The following DOCK2 variants were observed in gnomAD, a reference collection of about 807,000 sequenced individuals.
The protein encoded by DOCK2 is dedicator of cytokinesis 2.
Under a neutral mutation model 248.9 loss-of-function variants are expected in DOCK2, and 87 were observed. The ratio of observed to expected loss-of-function variants is 0.35; its 90% CI spans 0.29 to 0.42. The LOEUF (loss-of-function observed/expected upper bound fraction) is 0.42. Among genes scored for constraint, DOCK2 ranks in the 10% least tolerant of loss-of-function variants. DOCK2 has a pLI of 1.00. For synonymous variants in DOCK2, 805 were observed against 821.6 expected (o/e 0.98, Z 0.35); for missense variants, 1,747 against 2,300.2 (o/e 0.76, Z 4.92).
intron 1 of DOCK2, among the ~76,000 whole-genome samples, chr5:169,650,145 C>T (rs1356737098): frequency 6.6e-6 from 1 of 152,142 alleles, no homozygotes; most frequent in African/African-American, 2.4e-5. Context: ...CTATAGTACT[C>T]AGAGCAATAT....
At chr5:169,730,394 T>TG (rs943297770) in intron 22 of DOCK2, among the ~76,000 whole-genome samples, 1 of 152,148 alleles carries the variant, frequency 6.6e-6, no homozygotes, top group African/African-American at 2.4e-5. Flanking sequence ...AGACTGGTGC[T>TG]GGGGGATGTA....
At chr5:169,930,697 A>G (rs894875091) in intron 27 of DOCK2, among the ~76,000 whole-genome samples, 1 of 152,230 alleles carries the variant, frequency 6.6e-6, no homozygotes, top group Non-Finnish European at 1.5e-5. Context: ...ATTAATTTCA[A>G]GAAGGGTTGC....
intron 22 of DOCK2, among the ~76,000 whole-genome samples, chr5:169,731,241 A>T (rs1449961094): frequency 2.0e-5 from 3 of 152,118 alleles, no homozygotes; most frequent in Non-Finnish European, 4.4e-5. Context: ...CCACACCCAA[A>T]TCTCATCTTG....
intron 43 of DOCK2, chr5:170,057,043 C>A: frequency 2.2e-6 from 1 of 446,958 alleles, no homozygotes; most frequent in Non-Finnish European, 4.0e-6. Flanking sequence ...CACGTAGAAA[C>A]CCTCAGGCTA....
intron 27 of DOCK2, among the ~76,000 whole-genome samples, chr5:169,965,801 T>TA (rs1777276596): frequency 6.6e-6 from 1 of 152,214 alleles, no homozygotes; most frequent in Admixed American, 6.5e-5. Flanking sequence ...CTGAGGCCTA[T>TA]AGAGGTTAAA....
chr5:170,042,154 C>A lies in DOCK2; in HGVS notation c.3876+22C>A, dbSNP rs367988333. 1.1e-5 allele frequency: 17 copies of A among 1,590,582 alleles called. No individual in the cohort carries two copies. In the South Asian group the frequency reaches 1.1e-4, roughly 11 times the overall value. ...AAAGGTAATCTGTCCCTGCCCACCC[C>A]CCGTGGGGACCCTGGCCACTGGAAG... On this transcript the variant is annotated intron_variant, in intron 38 of 51. Transcript: ENST00000520908.
At chr5:169,650,954 A>G (rs1581383684) in intron 1 of DOCK2, among the ~76,000 whole-genome samples, 1 of 152,104 alleles carries the variant, frequency 6.6e-6, no homozygotes, top group East Asian at 1.9e-4. Context: ...GGCTTCCCTG[A>G]TTTGTCTATC....
Position 169,689,303 on chromosome 5 carries a change from G to A in DOCK2, c.813G>A (p.Glu271=), listed in dbSNP as rs1760161767. ...WGSRGFPKEI[E]MLNNLKVVFT... ...GCCGGGGCTTCCCTAAGGAGATTGA[G>A]ATGCTCAACAATCTGAAGGTGGTCT... is the stretch of plus-strand genomic sequence containing the variant. Residue 271 remains glutamate (E), a synonymous_variant, in exon 9 of 52, where the codon GAG becomes GAA. Transcript: ENST00000520908. 1 of 1,613,980 alleles carries A rather than the reference G, an allele frequency of 6.2e-7. No homozygotes were observed. The highest frequency in any genetic ancestry group is 1.3e-5 in the African/African-American group (1 of 74,902).
chr5:169,721,417 A>G (rs1467499990), intron 22 of DOCK2, among the ~76,000 whole-genome samples: 1 of 152,176 alleles, frequency 6.6e-6, no homozygotes, highest in Non-Finnish European at 1.5e-5. Context: ...TAGAATCTTT[A>G]GCAATGATCT....
intron 27 of DOCK2, among the ~76,000 whole-genome samples, chr5:169,881,988 CT>C (rs1003972076): frequency 1.3e-5 from 2 of 152,152 alleles, no homozygotes; most frequent in African/African-American, 4.8e-5. Flanking sequence ...CATTTTGTGA[CT>C]TTTTTTCTCT....
rs116578305 is a variant in DOCK2 at position 169,713,497 on chromosome 5, C to G, written c.1660-531C>G. On this transcript the variant is annotated intron_variant, in intron 17 of 51. Transcript: ENST00000520908. ...TTCTATATGCATTATTCCATATTATCTGCTCAGGTATTCTAGGAAGTAGGG... is the reference window on the plus strand; with the variant it reads ...TTCTATATGCATTATTCCATATTATGTGCTCAGGTATTCTAGGAAGTAGGG... Among the ~76,000 whole-genome samples, 932 of 152,092 alleles carry G rather than the reference C, an allele frequency of 6.1e-3. 8 individuals carry two copies. The highest frequency in any genetic ancestry group is 0.022 in the African/African-American group (896 of 41,470).
At chr5:169,805,553 A>G (rs1358995457) in intron 26 of DOCK2, among the ~76,000 whole-genome samples, 1 of 152,178 alleles carries the variant, frequency 6.6e-6, no homozygotes, top group Non-Finnish European at 1.5e-5. Flanking sequence ...ATCCAGTTAT[A>G]ATGTGCTAAT....
chr5:170,013,215 G>A (rs1755374008), intron 32 of DOCK2, among the ~76,000 whole-genome samples: 1 of 152,020 alleles, frequency 6.6e-6, no homozygotes, highest in African/African-American at 2.4e-5. Flanking sequence ...GTTGGGGAGA[G>A]GCTGCTGGGA....
intron 25 of DOCK2, among the ~76,000 whole-genome samples, chr5:169,792,451 A>ATGTG (rs56969878): frequency 0.14 from 21,034 of 149,214 alleles, 2,207 homozygotes; most frequent in African/African-American, 0.29. Flanking sequence ...TATTTTATAT[A>ATGTG]TGTGTGTGTG....
At chr5:169,989,717 T>C (rs904215698) in intron 29 of DOCK2, among the ~76,000 whole-genome samples, 1 of 152,208 alleles carries the variant, frequency 6.6e-6, no homozygotes, top group Non-Finnish European at 1.5e-5. Flanking sequence ...CTAGACTCTG[T>C]TTTCCTCACT....
rs772302196 is a variant in DOCK2, at chr5:170,008,694, G to A, written c.3180G>A (p.Gly1060=). Residue 1060 remains glycine, a synonymous_variant, in exon 32 of 52, where the codon GGG becomes GGA. Transcript: ENST00000520908. The part of the protein sequence containing the change: ...AKYNKILNKY[G]DMRRLIGFSI... The stretch of plus-strand genomic sequence containing the variant: ...AGGTTTTTGTTCCTCCTAGGTATGG[G>A]GACATGAGACGGCTAATTGGCTTCT... 8.1e-6 allele frequency: 13 copies of A among 1,614,028 alleles called. No individual in the cohort carries two copies. Among genetic ancestry groups the A allele is most frequent in the South Asian group, 1.1e-5 (1 of 91,072 alleles).
At position 169,713,397 on chromosome 5, in the gene DOCK2, A is replaced by G. The variant is rs1002960714; in HGVS notation, c.1660-631A>G. On this transcript the variant is annotated intron_variant, in intron 17 of 51. Transcript: ENST00000520908. ...CCTGGTGCGGAGTAAGATAAATGTT[A>G]TCTTCTGTAATGCCTACCTCTAGTC... is the stretch of plus-strand genomic sequence containing the variant. Among the ~76,000 whole-genome samples the G allele has an allele frequency of 2.6e-5, 4 of 152,206 alleles. No individual in the cohort carries two copies. The South Asian group carries it at 6.2e-4, about 24-fold the overall frequency.
intron 27 of DOCK2, among the ~76,000 whole-genome samples, chr5:169,862,320 T>C (rs1026206526): frequency 5.3e-5 from 8 of 152,220 alleles, no homozygotes; most frequent in Non-Finnish European, 8.8e-5. Flanking sequence ...TTATTTACAT[T>C]CTAGCATGAT....
rs144552266 is a variant in DOCK2, at chr5:169,862,186, G to C, written c.2799+21334G>C. Among the ~76,000 whole-genome samples, 6 of 152,310 alleles carry C rather than the reference G, an allele frequency of 3.9e-5. No individual in the cohort carries two copies. In the East Asian group the frequency reaches 1.2e-3, roughly 29 times the overall value. On this transcript the variant is annotated intron_variant, in intron 27 of 51. Coordinates refer to ENST00000520908, the MANE Select transcript of DOCK2 (RefSeq NM_004946.3). Reference sequence around the variant, plus strand: ...GAACGTGCTAAGAGTTTATAAAGTAGGAAAGCATATGTTCTTATCTGTATT... The same window carrying C: ...GAACGTGCTAAGAGTTTATAAAGTACGAAAGCATATGTTCTTATCTGTATT...
Sources: gnomAD v4.1 joint callset for allele counts (sites outside exome capture counted in the v4.1 genomes callset) on GRCh38, gnomAD v4.1.1 for gene constraint, MANE v1.5 for transcripts, NCBI Gene and HGNC (gene_info 2026-07-23, HGNC 2026-07-21) for gene names.